The following ZBTB16 variants were observed in gnomAD, a reference collection of about 807,000 sequenced individuals.
ZBTB16 encodes the protein zinc finger and BTB domain-containing protein 16.
A neutral mutation model predicts 56.8 loss-of-function variants in ZBTB16; 8 were observed. The ratio of observed to expected loss-of-function variants is 0.14; its 90% confidence interval spans 0.08 to 0.25. The LOEUF (loss-of-function observed/expected upper bound fraction) is 0.25, where lower values mean the gene tolerates loss of function less well. ZBTB16 is among the 10% of genes least tolerant of loss of function. ZBTB16 has a pLI of 1.00. For synonymous variants in ZBTB16, 363 were observed against 368.5 expected, an observed-to-expected ratio of 0.98 and a Z score of 0.17; for missense variants, 625 against 903.0, an observed-to-expected ratio of 0.69 and a Z score of 3.95.
At chr11:114,241,333 A>G (rs1217651869) in intron 4 of ZBTB16, among the ~76,000 whole-genome samples, 3 of 151,996 alleles carry the variant, frequency 2.0e-5, no homozygotes, top group South Asian at 2.1e-4. Flanking sequence ...TACGAACTCT[A>G]TGGCAGGAGT....
At chr11:114,116,177 G>A (rs895009066) in intron 2 of ZBTB16, among the ~76,000 whole-genome samples, 21 of 152,198 alleles carry the variant, frequency 1.4e-4, no homozygotes, top group African/African-American at 5.1e-4. Context: ...GACAGCCTCG[G>A]CGAAGTGAGG....
rs143212642 is a variant in ZBTB16 at position 114,136,099 on chromosome 11, C to G, written c.1269-20238C>G. Among the ~76,000 whole-genome samples, 10 of 152,282 alleles carry G rather than the reference C, an allele frequency of 6.6e-5. No individual in the cohort carries two copies. In the East Asian group the frequency reaches 1.9e-3, roughly 29 times the overall value. ...TGCCATTGAATTCATTAGGCTTGGA[C>G]TCTAGCAGGAATGTTGCCTGGGGTG... On this transcript the variant is annotated intron_variant, in intron 2 of 6. Coordinates refer to ENST00000335953, the MANE Select transcript of ZBTB16 (RefSeq NM_006006.6).
intron 4 of ZBTB16, chr11:114,210,622 GTCT>G (rs754762018): frequency 1.3e-5 from 3 of 226,778 alleles, no homozygotes; most frequent in East Asian, 6.3e-5. Context: ...AAGAGCGTCT[GTCT>G]TCTTCTCCTC....
At chr11:114,140,325 G>A (rs369801591) in intron 2 of ZBTB16, among the ~76,000 whole-genome samples, 13 of 152,184 alleles carry the variant, frequency 8.5e-5, no homozygotes, top group East Asian at 3.9e-4. Context: ...AGGACCTGAC[G>A]TGCACATGTA....
intron 4 of ZBTB16, among the ~76,000 whole-genome samples, chr11:114,195,878 A>C (rs975876312): frequency 3.9e-5 from 6 of 152,072 alleles, no homozygotes; most frequent in Non-Finnish European, 7.4e-5. Context: ...AACAGTATAC[A>C]CCTGCTTTGC....
At chr11:114,080,010 A>C (rs1452624553) in intron 2 of ZBTB16, among the ~76,000 whole-genome samples, 1 of 152,170 alleles carries the variant, frequency 6.6e-6, no homozygotes, top group African/African-American at 2.4e-5. Context: ...CAGAAAAGAA[A>C]ACAAAACAAA....
At chr11:114,164,561 G>A (rs57672494) in intron 3 of ZBTB16, among the ~76,000 whole-genome samples, 5,713 of 152,298 alleles carry the variant, frequency 0.038, 348 homozygotes, top group African/African-American at 0.13. Flanking sequence ...GGATATTTAC[G>A]TGGGATCAAC....
chr11:114,139,346 T>C (rs1352899632), intron 2 of ZBTB16, among the ~76,000 whole-genome samples: 4 of 152,230 alleles, frequency 2.6e-5, no homozygotes, highest in Non-Finnish European at 5.9e-5. Flanking sequence ...TTCCTCCAGT[T>C]ATTATTTTTA....
intron 2 of ZBTB16, among the ~76,000 whole-genome samples, chr11:114,141,688 G>C (rs1941949477): frequency 6.6e-6 from 1 of 151,962 alleles, no homozygotes; most frequent in African/African-American, 2.4e-5. Flanking sequence ...GGCAGACAGG[G>C]CTTGTGTCAG....
Position 114,148,445 on chromosome 11 carries a change from C to CTTTCTT in ZBTB16, c.1269-7891_1269-7890insTTCTTT, listed in dbSNP as rs1555143959. Among the ~76,000 whole-genome samples, 78 of 56,908 alleles carry CTTTCTT rather than the reference C, an allele frequency of 1.4e-3. 4 individuals carry two copies. The highest frequency in any genetic ancestry group is 2.3e-3 in the Admixed American group (11 of 4,772). 37.3% of individuals were successfully genotyped at this position (56,908 alleles called of 152,430 possible). A position where few individuals can be genotyped will look rare whatever the true frequency, so the allele number is the denominator to read the frequency against. On this transcript the variant is annotated intron_variant, in intron 2 of 6. Transcript: ENST00000335953. ...CCTCCCTCTCTCTCTCTTTCTCTCT[C>CTTTCTT]TCTGTCTGTCTGTCTCTCTCTCTCT... is the stretch of plus-strand genomic sequence containing the variant.
intron 2 of ZBTB16, among the ~76,000 whole-genome samples, chr11:114,126,783 G>GC (rs1941520802): frequency 6.6e-6 from 1 of 152,146 alleles, no homozygotes; most frequent in Middle Eastern, 3.2e-3. Flanking sequence ...TGGGAGAGAA[G>GC]CCACTCATGG....
At position 114,250,187 on chromosome 11, in the gene ZBTB16, C is replaced by T. The variant is rs1944893238; in HGVS notation, c.1793-139C>T. 2 of 898,478 alleles carry T rather than the reference C, an allele frequency of 2.2e-6. No homozygotes were observed. Among genetic ancestry groups the T allele is most frequent in the Non-Finnish European group, 3.6e-6 (2 of 557,640 alleles). 55.7% of individuals were successfully genotyped at this position (898,478 alleles called of 1,614,324 possible). ...TGGTGGCTGCCGTCTTGGGTGGTGCCTTCATTGTCCCAGAAAGTTCTGTTG... is the reference window on the plus strand; with the variant it reads ...TGGTGGCTGCCGTCTTGGGTGGTGCTTTCATTGTCCCAGAAAGTTCTGTTG... On this transcript the variant is annotated intron_variant, in intron 6 of 6. Transcript: ENST00000335953. The surrounding 1 kb of genome is among the most constrained non-coding windows in gnomAD (Gnocchi z 6.0).
chr11:114,092,992 A>G (rs1940246202), intron 2 of ZBTB16, among the ~76,000 whole-genome samples: 1 of 152,210 alleles, frequency 6.6e-6, no homozygotes, highest in African/African-American at 2.4e-5. Flanking sequence ...GTGAAAACAC[A>G]CACACACCAC....
chr11:114,254,315 G>T lies in ZBTB16; in HGVS notation c.*3760G>T, dbSNP rs997032756. 3.9e-5 allele frequency among the ~76,000 whole-genome samples: 6 copies of T among 152,068 alleles called. No individual in the cohort carries two copies. Among genetic ancestry groups the T allele is most frequent in the African/African-American group, 1.4e-4 (6 of 41,388 alleles). On this transcript the variant is annotated 3_prime_UTR_variant, in exon 7 of 7. Coordinates refer to ENST00000335953, the MANE Select transcript of ZBTB16 (RefSeq NM_006006.6). ...GCAGGGGTAGGTAGGGAGGCTGGGGGACCCAGTGATTCAGTACAATCCAAG... is the reference window on the plus strand; with the variant it reads ...GCAGGGGTAGGTAGGGAGGCTGGGGTACCCAGTGATTCAGTACAATCCAAG...
intron 2 of ZBTB16, among the ~76,000 whole-genome samples, chr11:114,068,102 G>C (rs1482092804): frequency 6.7e-6 from 1 of 149,314 alleles, no homozygotes; most frequent in Non-Finnish European, 1.5e-5. Context: ...TTGAGGCCAG[G>C]AAGCCATGGC....
At chr11:114,233,073 G>GCACA (rs1335081442) in intron 4 of ZBTB16, among the ~76,000 whole-genome samples, 6 of 74,558 alleles carry the variant, frequency 8.0e-5, no homozygotes, top group Admixed American at 1.5e-4. Context: ...GCATGCGCGC[G>GCACA]CGCGCGCGCA....
At chr11:114,121,222 G>A (rs1266494413) in intron 2 of ZBTB16, among the ~76,000 whole-genome samples, 1 of 152,204 alleles carries the variant, frequency 6.6e-6, no homozygotes, top group Non-Finnish European at 1.5e-5. Flanking sequence ...TTTCTGTGGT[G>A]TAGATACTCC....
chr11:114,115,776 C>T (rs918740441), intron 2 of ZBTB16, among the ~76,000 whole-genome samples: 1 of 152,194 alleles, frequency 6.6e-6, no homozygotes, highest in African/African-American at 2.4e-5. Context: ...GCTGACGGCC[C>T]GCTAATTTGT....
At chr11:114,139,950 A>G (rs1465349971) in intron 2 of ZBTB16, among the ~76,000 whole-genome samples, 2 of 152,078 alleles carry the variant, frequency 1.3e-5, no homozygotes, top group African/African-American at 4.8e-5. Context: ...AGCGTGTCAG[A>G]CCTCAGCTCT....
Sources: gnomAD v4.1 joint callset for allele counts (sites outside exome capture counted in the v4.1 genomes callset) on GRCh38, gnomAD v4.1.1 for gene constraint, Gnocchi (gnomAD v3.1) non-coding constraint, MANE v1.5 for transcripts, NCBI Gene and HGNC (gene_info 2026-07-23, HGNC 2026-07-21) for gene names.